Variants in GPC6 observed in about 807,000 individuals in gnomAD.
GPC6 encodes glypican 6, also known as glypican-6.
Under a neutral mutation model 55.2 loss-of-function variants are expected in GPC6, and 14 were observed. That is an observed-to-expected ratio of 0.25 (90% CI 0.17 to 0.40). GPC6 has a LOEUF of 0.40. GPC6 is among the 10% of genes least tolerant of loss of function. The pLI is 1.00. For synonymous variants in GPC6, 278 were observed against 259.6 expected (o/e 1.07, Z -0.68); for missense variants, 641 against 708.5 (o/e 0.90, Z 1.08).
intron 2 of GPC6, among the ~76,000 whole-genome samples, chr13:93,623,786 A>G (rs1051000100): frequency 6.6e-6 from 1 of 151,952 alleles, no homozygotes; most frequent in Non-Finnish European, 1.5e-5. Flanking sequence ...AAGCCATTTT[A>G]ACTCAGAATA....
intron 2 of GPC6, among the ~76,000 whole-genome samples, chr13:93,757,342 G>C (rs1039356018): frequency 1.3e-5 from 2 of 152,126 alleles, no homozygotes; most frequent in African/African-American, 4.8e-5. Context: ...GATTGTAAAG[G>C]GGGCATCCGG....
At chr13:93,640,246 A>G (rs1350090687) in intron 2 of GPC6, among the ~76,000 whole-genome samples, 1 of 144,472 alleles carries the variant, frequency 6.9e-6, no homozygotes, top group Non-Finnish European at 1.6e-5. Flanking sequence ...TTTCAGCCAT[A>G]TGCAATAGTA....
chr13:93,288,110 T>A (rs1240900904), intron 1 of GPC6, among the ~76,000 whole-genome samples: 1 of 152,188 alleles, frequency 6.6e-6, no homozygotes, highest in Admixed American at 6.5e-5. Context: ...GTTCTCATAT[T>A]CCAATCCTTT....
At chr13:93,879,512 T>C (rs1305124074) in intron 3 of GPC6, among the ~76,000 whole-genome samples, 2 of 151,908 alleles carry the variant, frequency 1.3e-5, no homozygotes, top group Admixed American at 1.3e-4. Flanking sequence ...GCTAGCCATA[T>C]GTAGAAAGCT....
chr13:93,375,957 C>T (rs998682923), intron 1 of GPC6, among the ~76,000 whole-genome samples: 1 of 151,740 alleles, frequency 6.6e-6, no homozygotes, highest in Non-Finnish European at 1.5e-5. Flanking sequence ...ATAAAATGAA[C>T]TTTAAAGATT....
chr13:94,261,818 G>A (rs749789900), intron 4 of GPC6, among the ~76,000 whole-genome samples: 10 of 152,200 alleles, frequency 6.6e-5, no homozygotes, highest in Non-Finnish European at 1.2e-4. Context: ...TTTAGTGAGA[G>A]CAGTTTGTGG....
intron 3 of GPC6, among the ~76,000 whole-genome samples, chr13:93,969,120 A>G (rs1456469856): frequency 2.0e-5 from 3 of 152,180 alleles, no homozygotes; most frequent in South Asian, 2.1e-4. Flanking sequence ...TAAAAATGTG[A>G]TACACACTGT....
chr13:94,054,754 G>A (rs913986339), intron 4 of GPC6, among the ~76,000 whole-genome samples: 4 of 152,170 alleles, frequency 2.6e-5, no homozygotes, highest in African/African-American at 4.8e-5. Context: ...CATTTACCAA[G>A]TGGGTTAGGA....
At chr13:93,901,080 A>G (rs973446900) in intron 3 of GPC6, among the ~76,000 whole-genome samples, 10 of 152,132 alleles carry the variant, frequency 6.6e-5, no homozygotes, top group Non-Finnish European at 8.8e-5. Context: ...GTCTGTGCAG[A>G]CTTTTTATAT....
chr13:93,302,714 A>G (rs2025948), intron 1 of GPC6, among the ~76,000 whole-genome samples: 36,524 of 152,076 alleles, frequency 0.24, 4,491 homozygotes, highest in East Asian at 0.29. Context: ...GAAGTTTAAA[A>G]AAGAAATGTA....
At chr13:93,898,231 A>G (rs1876123974) in intron 3 of GPC6, among the ~76,000 whole-genome samples, 2 of 152,104 alleles carry the variant, frequency 1.3e-5, no homozygotes, top group South Asian at 2.1e-4. Context: ...TCATTCGGCC[A>G]TCACTGGCCT....
chr13:93,258,043 G>A (rs1000736508), intron 1 of GPC6, among the ~76,000 whole-genome samples: 9 of 152,122 alleles, frequency 5.9e-5, no homozygotes, highest in African/African-American at 2.2e-4. Context: ...GTAAAACTTT[G>A]TAGTATTACA....
chr13:94,107,294 G>T (rs772569142), intron 4 of GPC6, among the ~76,000 whole-genome samples: 1 of 151,900 alleles, frequency 6.6e-6, no homozygotes, highest in Non-Finnish European at 1.5e-5. Flanking sequence ...TGCCAGAAAG[G>T]AAAAAAATGT....
At chr13:93,583,232 A>G (rs1319795936) in intron 2 of GPC6, among the ~76,000 whole-genome samples, 2 of 152,174 alleles carry the variant, frequency 1.3e-5, no homozygotes, top group African/African-American at 4.8e-5. Flanking sequence ...AATGCATGCT[A>G]CCATCTCTCA....
chr13:93,664,648 C>T (rs1344571021), intron 2 of GPC6, among the ~76,000 whole-genome samples: 2 of 152,026 alleles, frequency 1.3e-5, no homozygotes, highest in Non-Finnish European at 2.9e-5. Context: ...GACAGAGTCT[C>T]ACTCTGTCGC....
At chr13:93,746,543 C>A (rs1419047935) in intron 2 of GPC6, among the ~76,000 whole-genome samples, 1 of 152,130 alleles carries the variant, frequency 6.6e-6, no homozygotes, top group Non-Finnish European at 1.5e-5. Context: ...TTTATTATCA[C>A]CATAACAGGA....
intron 3 of GPC6, among the ~76,000 whole-genome samples, chr13:93,831,553 CT>C (rs1256080289): frequency 2.7e-5 from 3 of 111,782 alleles, no homozygotes; most frequent in Non-Finnish European, 4.0e-5. Context: ...TCCTACAATG[CT>C]TCTTTTTTTT....
intron 4 of GPC6, among the ~76,000 whole-genome samples, chr13:94,038,890 A>C (rs568213834): frequency 2.0e-5 from 3 of 152,090 alleles, no homozygotes; most frequent in East Asian, 3.9e-4. Flanking sequence ...AGAATTATCA[A>C]CTAATTGTTA....
intron 3 of GPC6, among the ~76,000 whole-genome samples, chr13:93,991,739 G>A (rs1461478478): frequency 1.3e-5 from 2 of 152,106 alleles, no homozygotes; most frequent in Non-Finnish European, 2.9e-5. Context: ...TGATTACTGA[G>A]ATGTGTTCTC....
Sources: gnomAD v4.1 joint callset for allele counts (sites outside exome capture counted in the v4.1 genomes callset) on GRCh38, gnomAD v4.1.1 for gene constraint, MANE v1.5 for transcripts, NCBI Gene and HGNC (gene_info 2026-07-23, HGNC 2026-07-21) for gene names.